Variants in SPAG16 observed in about 807,000 individuals in gnomAD.
SPAG16 encodes the protein sperm associated antigen 16.
SPAG16 carries 86 observed loss-of-function variants against 80.4 expected under a neutral mutation model. The ratio of observed to expected loss-of-function variants is 1.07; its 90% CI spans 0.90 to 1.28. The LOEUF is 1.28. SPAG16 is among the 50% of genes most tolerant of loss of function. The probability of loss-of-function intolerance (pLI) is 0.00; values close to 1 mark genes in which losing one functional copy is unlikely to be tolerated. For synonymous variants in SPAG16, 294 were observed against 265.9 expected (o/e 1.11, Z -1.03); for missense variants, 870 against 765.3 (o/e 1.14, Z -1.61).
chr2:213,602,708 A>G (rs997563422), intron 10 of SPAG16, among the ~76,000 whole-genome samples: 5 of 152,250 alleles, frequency 3.3e-5, no homozygotes, highest in Non-Finnish European at 7.3e-5. Flanking sequence ...ATAATTTTTA[A>G]TAATTTCCTG....
chr2:213,492,442 C>G (rs974204904), intron 10 of SPAG16, among the ~76,000 whole-genome samples: 2 of 151,592 alleles, frequency 1.3e-5, no homozygotes, highest in African/African-American at 2.4e-5. Context: ...CCCAGCTACT[C>G]GGGAGGCTGA....
At chr2:213,629,550 GC>G (rs2062071000) in intron 10 of SPAG16, among the ~76,000 whole-genome samples, 1 of 152,164 alleles carries the variant, frequency 6.6e-6, no homozygotes, top group Non-Finnish European at 1.5e-5. Context: ...ATCAATTGCT[GC>G]GAAGAGTCAA....
intron 15 of SPAG16, among the ~76,000 whole-genome samples, chr2:214,224,014 C>G (rs2058643225): frequency 6.6e-6 from 1 of 152,246 alleles, no homozygotes; most frequent in East Asian, 1.9e-4. Flanking sequence ...GAAAGGTAAG[C>G]TGTTCAATAG....
intron 10 of SPAG16, among the ~76,000 whole-genome samples, chr2:213,812,929 G>T (rs1056817638): frequency 6.6e-6 from 1 of 152,000 alleles, no homozygotes; most frequent in East Asian, 1.9e-4. Flanking sequence ...AAAAAATAAA[G>T]AATAGGATTT....
chr2:213,627,074 A>T (rs1395928893), intron 10 of SPAG16, among the ~76,000 whole-genome samples: 25 of 152,188 alleles, frequency 1.6e-4, no homozygotes. Context: ...TTACTCAGCA[A>T]ACTATGTACC....
At chr2:214,108,957 A>G (rs551934392) in intron 14 of SPAG16, among the ~76,000 whole-genome samples, 22 of 152,082 alleles carry the variant, frequency 1.4e-4, no homozygotes, top group Non-Finnish European at 2.6e-4. Flanking sequence ...CCAATGCAAG[A>G]GTGTTTGGAG....
At chr2:213,871,782 C>T (rs936055738) in intron 11 of SPAG16, among the ~76,000 whole-genome samples, 1 of 150,748 alleles carries the variant, frequency 6.6e-6, no homozygotes, top group African/African-American at 2.5e-5. Context: ...CTAGAAGAAA[C>T]TTCTGTGACC....
rs369318632 is a variant in SPAG16, at chr2:214,255,358, G to A, written c.1720+106092G>A. The stretch of plus-strand genomic sequence containing the variant: ...ACTCTGGCCCTGGGATTTTTCTAAC[G>A]TAAAGAAATGTTGAAAAATGTTAAT... On this transcript the variant is annotated intron_variant, in intron 15 of 15. Transcript: ENST00000331683. Among the ~76,000 whole-genome samples the A allele has an allele frequency of 1.1e-4, 16 of 151,938 alleles. No homozygotes were observed. The East Asian group carries it at 1.2e-3, about 11-fold the overall frequency.
chr2:213,366,407 T>A (rs902705024), intron 8 of SPAG16, among the ~76,000 whole-genome samples: 5 of 152,050 alleles, frequency 3.3e-5, no homozygotes, highest in Admixed American at 3.3e-4. Flanking sequence ...CTTTTTTTTT[T>A]AATTTATAAA....
At chr2:214,212,721 C>G (rs933640686) in intron 15 of SPAG16, among the ~76,000 whole-genome samples, 1 of 152,226 alleles carries the variant, frequency 6.6e-6, no homozygotes, top group African/African-American at 2.4e-5. Context: ...TATTTTTCAT[C>G]CCTTCGATAG....
intron 10 of SPAG16, among the ~76,000 whole-genome samples, chr2:213,557,910 G>T (rs957647686): frequency 3.9e-5 from 6 of 151,976 alleles, no homozygotes; most frequent in Non-Finnish European, 8.8e-5. Context: ...TCTTTCTAAA[G>T]GGATTTTTTA....
At chr2:213,443,879 T>A (rs1004238060) in intron 9 of SPAG16, among the ~76,000 whole-genome samples, 3 of 152,062 alleles carry the variant, frequency 2.0e-5, no homozygotes, top group African/African-American at 7.2e-5. Context: ...AGGAGAGGTG[T>A]GGGAAGTACT....
At chr2:213,790,647 G>A (rs1387755139) in intron 10 of SPAG16, among the ~76,000 whole-genome samples, 2 of 151,828 alleles carry the variant, frequency 1.3e-5, no homozygotes, top group African/African-American at 2.4e-5. Context: ...TACAATGTGA[G>A]CATACCAGTA....
At chr2:213,496,527 C>T (rs904752211) in intron 10 of SPAG16, among the ~76,000 whole-genome samples, 1 of 151,926 alleles carries the variant, frequency 6.6e-6, no homozygotes, top group African/African-American at 2.4e-5. Flanking sequence ...CAGTACTATT[C>T]CTTGTATTTT....
intron 10 of SPAG16, among the ~76,000 whole-genome samples, chr2:213,512,666 T>A (rs1047920267): frequency 1.3e-5 from 2 of 152,194 alleles, no homozygotes; most frequent in Non-Finnish European, 2.9e-5. Flanking sequence ...CAGGTCAGAT[T>A]GACTCCATCT....
intron 14 of SPAG16, among the ~76,000 whole-genome samples, chr2:214,119,569 T>C (rs1005197819): frequency 1.3e-5 from 2 of 152,118 alleles, no homozygotes; most frequent in South Asian, 2.1e-4. Flanking sequence ...GGACATTCCA[T>C]AGGGCCTTCT....
At chr2:213,417,024 G>A (rs2069296922) in intron 9 of SPAG16, among the ~76,000 whole-genome samples, 1 of 152,148 alleles carries the variant, frequency 6.6e-6, no homozygotes, top group South Asian at 2.1e-4. Context: ...ACCTAACTCT[G>A]GGATGATTAA....
chr2:213,992,932 G>T (rs901796790), intron 12 of SPAG16, among the ~76,000 whole-genome samples: 3 of 152,194 alleles, frequency 2.0e-5, no homozygotes, highest in African/African-American at 4.8e-5. Context: ...ACCTGAATGA[G>T]AAAACAATTA....
At chr2:213,664,445 T>C (rs2063531589) in intron 10 of SPAG16, among the ~76,000 whole-genome samples, 3 of 152,124 alleles carry the variant, frequency 2.0e-5, no homozygotes, top group African/African-American at 7.2e-5. Flanking sequence ...TTAATAATTA[T>C]TTCAGGATAA....
Sources: allele counts gnomAD v4.1 joint callset (sites outside exome capture counted in the v4.1 genomes callset), GRCh38; gene constraint gnomAD v4.1.1; transcripts MANE v1.5; gene names NCBI Gene and HGNC (gene_info 2026-07-23, HGNC 2026-07-21).